The following CRTC3 variants were observed in gnomAD, a reference collection of about 807,000 sequenced individuals.
The protein encoded by CRTC3 is CREB regulated transcription coactivator 3.
A neutral mutation model predicts 74.5 loss-of-function variants in CRTC3; 26 were observed. That is an observed-to-expected ratio of 0.35 (90% CI 0.26 to 0.48). The LOEUF (loss-of-function observed/expected upper bound fraction) is 0.48, where lower values mean the gene tolerates loss of function less well. Among genes scored for constraint, CRTC3 ranks in the 20% least tolerant of loss-of-function variants. The pLI is 0.99. For synonymous variants in CRTC3, 377 were observed against 325.8 expected, an observed-to-expected ratio of 1.16 and a Z score of -1.69; for missense variants, 760 against 787.3, an observed-to-expected ratio of 0.97 and a Z score of 0.41.
intron 2 of CRTC3, among the ~76,000 whole-genome samples, chr15:90,559,929 C>A (rs1966975719): frequency 6.6e-6 from 1 of 152,244 alleles, no homozygotes; most frequent in African/African-American, 2.4e-5. Flanking sequence ...AGGCGTGAGC[C>A]ACCATGTCTG....
chr15:90,551,671 C>G (rs989701872), intron 2 of CRTC3, among the ~76,000 whole-genome samples: 1 of 152,084 alleles, frequency 6.6e-6, no homozygotes, highest in Admixed American at 6.6e-5. Flanking sequence ...TCTTCCCTTC[C>G]CTGCTCGTCT....
intron 2 of CRTC3, among the ~76,000 whole-genome samples, chr15:90,592,089 G>A (rs1490152332): frequency 6.6e-6 from 1 of 152,164 alleles, no homozygotes; most frequent in Non-Finnish European, 1.5e-5. Context: ...GGGAGAAATA[G>A]GAGTAATTCT....
chr15:90,545,138 T>C (rs1474921873), intron 2 of CRTC3, among the ~76,000 whole-genome samples: 1 of 152,224 alleles, frequency 6.6e-6, no homozygotes, highest in Non-Finnish European at 1.5e-5. Flanking sequence ...TAGTATAATG[T>C]CTTCAGGGTT....
intron 1 of CRTC3, chr15:90,539,826 G>A: frequency 1.9e-6 from 1 of 538,016 alleles, no homozygotes; most frequent in Non-Finnish European, 3.3e-6. Context: ...CATGGTATAT[G>A]GGACATTTGG....
intron 7 of CRTC3, among the ~76,000 whole-genome samples, chr15:90,615,076 A>T (rs887365062): frequency 9.6e-4 from 145 of 151,668 alleles, no homozygotes; most frequent in Admixed American, 1.9e-3. Context: ...ATAAATAAAT[A>T]AATAAATAAA....
intron 3 of CRTC3, among the ~76,000 whole-genome samples, chr15:90,601,896 T>C (rs1287294901): frequency 2.0e-5 from 3 of 152,128 alleles, no homozygotes; most frequent in Admixed American, 1.3e-4. Context: ...TCCTTTTTTT[T>C]CCACTCAAAA....
chr15:90,552,887 A>C (rs1054796104), intron 2 of CRTC3, among the ~76,000 whole-genome samples: 3 of 152,262 alleles, frequency 2.0e-5, no homozygotes, highest in African/African-American at 7.2e-5. Context: ...TTTGCTCAGA[A>C]CTTAAATGTG....
intron 2 of CRTC3, among the ~76,000 whole-genome samples, chr15:90,583,756 G>C (rs752148485): frequency 2.0e-5 from 3 of 152,150 alleles, no homozygotes; most frequent in Admixed American, 6.5e-5. Context: ...AAGAGTGTTG[G>C]GGGCTGCTGT....
intron 2 of CRTC3, among the ~76,000 whole-genome samples, chr15:90,565,176 G>A (rs995568841): frequency 1.1e-4 from 16 of 152,112 alleles, no homozygotes; most frequent in Non-Finnish European, 2.2e-4. Context: ...TTGAACTCCC[G>A]ACCTCATGTG....
intron 9 of CRTC3, among the ~76,000 whole-genome samples, chr15:90,622,385 C>T (rs1324077359): frequency 3.9e-5 from 6 of 152,196 alleles, no homozygotes; most frequent in Admixed American, 6.5e-5. Context: ...GGACGCTTCT[C>T]CCTGCCGCGC....
chr15:90,641,037 C>A, intron 13 of CRTC3, 60 bp from the exon 14 acceptor site: 1 of 1,104,968 alleles, frequency 9.1e-7, no homozygotes, highest in Non-Finnish European at 1.4e-6. Context: ...CATTGCAATA[C>A]TCACTTCCTC....
At chr15:90,639,200 CTGCACCCAGGCTGG>C (rs1969350423) in intron 13 of CRTC3, among the ~76,000 whole-genome samples, 1 of 152,102 alleles carries the variant, frequency 6.6e-6, no homozygotes, top group Non-Finnish European at 1.5e-5. Context: ...CGCATTTGGC[CTGCACCCAGGCTGG>C]TGCACCCAGC....
At position 90,644,595 on chromosome 15, in the gene CRTC3, G is replaced by A. The variant is rs1969562016; in HGVS notation, c.*2455G>A. ...TGGGGGTGTACACTGGGGGCAATAT[G>A]GTTTAGCACTGAATTCAATTTGTCC... is the stretch of plus-strand genomic sequence containing the variant. On this transcript the variant is annotated 3_prime_UTR_variant, in exon 15 of 15. Coordinates refer to ENST00000268184, the MANE Select transcript of CRTC3 (RefSeq NM_022769.5). The A allele has an allele frequency of 4.3e-6, 1 of 232,414 alleles. No homozygotes were observed. Among genetic ancestry groups the A allele is most frequent in the Non-Finnish European group, 8.5e-6 (1 of 117,578 alleles). The allele number at this position is 232,414 out of a possible 1,614,324, so 14.4% of individuals were successfully genotyped here.
chr15:90,559,303 A>G (rs1054880775), intron 2 of CRTC3, among the ~76,000 whole-genome samples: 25 of 152,150 alleles, frequency 1.6e-4, no homozygotes, highest in African/African-American at 5.8e-4. Flanking sequence ...TATGACTCCC[A>G]TTTTACAGAT....
chr15:90,564,035 T>C (rs1245795864), intron 2 of CRTC3, among the ~76,000 whole-genome samples: 1 of 152,226 alleles, frequency 6.6e-6, no homozygotes, highest in Non-Finnish European at 1.5e-5. Flanking sequence ...ATTTACTCTT[T>C]CTAGTAACCC....
chr15:90,597,566 A>G (rs765748948), intron 3 of CRTC3, among the ~76,000 whole-genome samples: 36 of 152,282 alleles, frequency 2.4e-4, no homozygotes, highest in Non-Finnish European at 4.1e-4. Flanking sequence ...TGCATGGCCT[A>G]TTACATTTGA....
At position 90,593,915 on chromosome 15, in the gene CRTC3, G is replaced by T. The variant is rs59414396; in HGVS notation, c.351+160G>T. 1.5e-3 allele frequency: 964 copies of T among 623,852 alleles called. 11 individuals are homozygous for T. The African/African-American group carries it at 0.017, about 11-fold the overall frequency. The allele number at this position is 623,852 out of a possible 1,614,324, so 38.6% of individuals were successfully genotyped here. ...TGAGTTGGAAACTAGAAACATCTCT[G>T]CAGTCAACATTTGGAAACATCATTG... is the stretch of plus-strand genomic sequence containing the variant. On this transcript the variant is annotated intron_variant, in intron 3 of 14. Transcript: ENST00000268184.
intron 2 of CRTC3, among the ~76,000 whole-genome samples, chr15:90,560,236 G>A (rs1369792604): frequency 6.6e-6 from 1 of 152,108 alleles, no homozygotes; most frequent in Non-Finnish European, 1.5e-5. Context: ...GAACTCTGTG[G>A]GATGTCCATT....
At chr15:90,561,090 T>C (rs1967001766) in intron 2 of CRTC3, among the ~76,000 whole-genome samples, 1 of 152,234 alleles carries the variant, frequency 6.6e-6, no homozygotes, top group African/African-American at 2.4e-5. Flanking sequence ...TCTCTCTGTG[T>C]CTCAGCTCAC....
Sources: gnomAD v4.1 joint callset for allele counts (sites outside exome capture counted in the v4.1 genomes callset) on GRCh38, gnomAD v4.1.1 for gene constraint, MANE v1.5 for transcripts, NCBI Gene and HGNC (gene_info 2026-07-23, HGNC 2026-07-21) for gene names.